KCNIP4: variants seen among roughly 807,000 people sequenced by gnomAD.
KCNIP4 encodes potassium voltage-gated channel interacting protein 4.
In KCNIP4, 12 loss-of-function variants were observed where a neutral mutation model predicts 34.0. The observed-to-expected ratio is 0.35, with a 90% CI of 0.23 to 0.57. KCNIP4 has a LOEUF of 0.57. KCNIP4 is among the 20% of genes least tolerant of loss of function. The pLI is 0.83. For missense variants in KCNIP4, 238 were observed against 311.7 expected (o/e 0.76, Z 1.78); for synonymous variants, 124 against 102.2 (o/e 1.21, Z -1.29).
At chr4:20,923,714 G>A (rs141452920) in intron 1 of KCNIP4, among the ~76,000 whole-genome samples, 2 of 152,230 alleles carry the variant, frequency 1.3e-5, no homozygotes, top group African/African-American at 4.8e-5. Flanking sequence ...TCAGAAGTAC[G>A]TGGTCCGATT....
intron 1 of KCNIP4, among the ~76,000 whole-genome samples, chr4:21,530,616 T>C (rs1736593592): frequency 6.6e-6 from 1 of 152,180 alleles, no homozygotes; most frequent in African/African-American, 2.4e-5. Context: ...CTCTCAGCTC[T>C]TTGTAAATGT....
At chr4:20,970,895 C>T (rs943681168) in intron 1 of KCNIP4, among the ~76,000 whole-genome samples, 2 of 152,102 alleles carry the variant, frequency 1.3e-5, no homozygotes, top group Non-Finnish European at 2.9e-5. Flanking sequence ...TCTACATATG[C>T]GGTGCTTGAA....
chr4:21,727,888 T>C lies in KCNIP4; in HGVS notation c.61+220683A>G, dbSNP rs558965005. Among the ~76,000 whole-genome samples the C allele has an allele frequency of 2.6e-5, 4 of 152,240 alleles. No individual in the cohort carries two copies. In the East Asian group the frequency reaches 7.7e-4, roughly 29 times the overall value. ...AATGGTTATTTGCCTTTGTTCAGAA[T>C]ATTTTTCAGAACAGCAGCCTACACA... On this transcript the variant is annotated intron_variant, in intron 1 of 8. Transcript: ENST00000382152.
chr4:20,949,504 C>G (rs1259403405), intron 1 of KCNIP4, among the ~76,000 whole-genome samples: 1 of 152,108 alleles, frequency 6.6e-6, no homozygotes, highest in East Asian at 1.9e-4. Flanking sequence ...CATCCCATTA[C>G]TGGGTATATA....
intron 1 of KCNIP4, among the ~76,000 whole-genome samples, chr4:21,123,354 C>G (rs181834378): frequency 6.6e-6 from 1 of 152,150 alleles, no homozygotes. Context: ...AGAAACATCC[C>G]TGTCCTCACA....
intron 1 of KCNIP4, among the ~76,000 whole-genome samples, chr4:21,830,697 A>G (rs746508623): frequency 8.6e-5 from 13 of 152,044 alleles, no homozygotes; most frequent in Non-Finnish European, 1.9e-4. Flanking sequence ...AACAAATAAT[A>G]ATACTACTAG....
At chr4:21,932,407 A>C (rs957552517) in intron 1 of KCNIP4, among the ~76,000 whole-genome samples, 1 of 152,144 alleles carries the variant, frequency 6.6e-6, no homozygotes, top group Admixed American at 6.6e-5. Flanking sequence ...AAGAGATTGC[A>C]AGGAATCATT....
At chr4:21,078,987 C>G (rs1745765526) in intron 1 of KCNIP4, among the ~76,000 whole-genome samples, 1 of 152,060 alleles carries the variant, frequency 6.6e-6, no homozygotes, top group African/African-American at 2.4e-5. Context: ...AGGAGCCTCC[C>G]TCTTGGAAGC....
intron 1 of KCNIP4, among the ~76,000 whole-genome samples, chr4:20,892,384 T>C (rs192773287): frequency 1.2e-4 from 19 of 152,308 alleles, no homozygotes; most frequent in Non-Finnish European, 2.2e-4. Flanking sequence ...TCTCTCTATC[T>C]GTCTTTCTGT....
chr4:20,883,360 C>A (rs191951300), intron 1 of KCNIP4, among the ~76,000 whole-genome samples: 4 of 152,204 alleles, frequency 2.6e-5, no homozygotes, highest in Middle Eastern at 3.4e-3. Context: ...CTGGAAGAAG[C>A]CAGACAAGCT....
chr4:21,781,350 TA>T (rs1246028075), intron 1 of KCNIP4, among the ~76,000 whole-genome samples: 6 of 152,158 alleles, frequency 3.9e-5, no homozygotes, highest in Non-Finnish European at 7.3e-5. Flanking sequence ...GTGAGTCAAT[TA>T]ACTCCTTCCC....
At chr4:20,834,563 G>A (rs1718816516) in intron 3 of KCNIP4, among the ~76,000 whole-genome samples, 1 of 152,168 alleles carries the variant, frequency 6.6e-6, no homozygotes, top group Non-Finnish European at 1.5e-5. Flanking sequence ...AGCATGAGAA[G>A]GAACCAAAAG....
intron 1 of KCNIP4, among the ~76,000 whole-genome samples, chr4:21,328,607 C>A (rs939090417): frequency 6.6e-5 from 10 of 152,176 alleles, no homozygotes; most frequent in Admixed American, 3.3e-4. Flanking sequence ...TCACTCATTT[C>A]TTTAGGGCGC....
intron 1 of KCNIP4, among the ~76,000 whole-genome samples, chr4:21,549,841 T>C (rs912663934): frequency 6.6e-6 from 1 of 152,074 alleles, no homozygotes; most frequent in South Asian, 2.1e-4. Context: ...ACTGGATACA[T>C]GGGTAGTATA....
intron 1 of KCNIP4, among the ~76,000 whole-genome samples, chr4:21,448,399 T>G (rs1304320970): frequency 6.6e-6 from 1 of 152,164 alleles, no homozygotes; most frequent in Non-Finnish European, 1.5e-5. Context: ...ATCCACGTTT[T>G]ACAGTGTCAG....
At chr4:20,800,511 A>G (rs950526827) in intron 3 of KCNIP4, among the ~76,000 whole-genome samples, 1 of 152,256 alleles carries the variant, frequency 6.6e-6, no homozygotes, top group Non-Finnish European at 1.5e-5. Context: ...ACAAGAGAAT[A>G]CACATAGGCG....
At chr4:21,247,592 T>TATATATATATATATATATAC (rs551818480) in intron 1 of KCNIP4, among the ~76,000 whole-genome samples, 1 of 144,296 alleles carries the variant, frequency 6.9e-6, no homozygotes, top group Non-Finnish European at 1.5e-5. Flanking sequence ...TATATATATA[T>TATATATATATATATATATAC]ACACCACAGA....
intron 1 of KCNIP4, among the ~76,000 whole-genome samples, chr4:21,222,225 G>T (rs1758029003): frequency 6.6e-6 from 1 of 152,120 alleles, no homozygotes; most frequent in Non-Finnish European, 1.5e-5. Context: ...AGTTTTTGTT[G>T]TATTTTAGAG....
intron 1 of KCNIP4, among the ~76,000 whole-genome samples, chr4:20,903,613 C>T (rs1727401136): frequency 6.6e-6 from 1 of 151,992 alleles, no homozygotes; most frequent in East Asian, 1.9e-4. Context: ...AGTTGTCTTG[C>T]CTTTCTGAAC....
Sources: allele counts gnomAD v4.1 joint callset (sites outside exome capture counted in the v4.1 genomes callset), GRCh38; gene constraint gnomAD v4.1.1; transcripts MANE v1.5; gene names NCBI Gene and HGNC (gene_info 2026-07-23, HGNC 2026-07-21).